The following MADD variants were observed in gnomAD, a reference collection of about 807,000 sequenced individuals.
The protein encoded by MADD is MAP kinase activating death domain.
Under a neutral mutation model 176.7 loss-of-function variants are expected in MADD, and 109 were observed. The observed-to-expected ratio is 0.62, with a 90% CI of 0.53 to 0.72. The LOEUF is 0.72. Among genes scored for constraint, MADD ranks in the 30% least tolerant of loss-of-function variants. The probability of loss-of-function intolerance (pLI) is 0.00; values close to 1 mark genes in which losing one functional copy is unlikely to be tolerated. For synonymous variants in MADD, 771 were observed against 771.3 expected, an observed-to-expected ratio of 1.00 and a Z score of 0.01; for missense variants, 1,914 against 2,045.5, an observed-to-expected ratio of 0.94 and a Z score of 1.24.
At chr11:47,323,946 T>G in intron 28 of MADD, 111 bp downstream of exon 31, 2 of 1,219,672 alleles carry the variant, frequency 1.6e-6, no homozygotes, top group Non-Finnish European at 2.3e-6. Context: ...CACACTTCTG[T>G]CTCCAGCTGT....
At chr11:47,308,789 T>G in intron 23 of MADD, 90 bp downstream of exon 25, 1 of 1,166,362 alleles carries the variant, frequency 8.6e-7, no homozygotes, top group Non-Finnish European at 1.3e-6. Flanking sequence ...CTGGTTGTCT[T>G]TCTGCTGATC....
In MADD at chr11:47,314,404, T is replaced by C. The variant is rs76331509; in HGVS notation, c.4090-816T>C. Among the ~76,000 whole-genome samples, 1,224 of 152,254 alleles carry C rather than the reference T, an allele frequency of 8.0e-3. 13 individuals are homozygous for C. Among genetic ancestry groups the C allele is most frequent in the African/African-American group, 0.028 (1,176 of 41,522 alleles). On this transcript the variant is annotated intron_variant, in intron 26 of 32. Coordinates refer to ENST00000402192, the Ensembl canonical transcript of MADD. ...TGGATTTTAATGTAACAATGTAAAA[T>C]GTTCATTGATGTGCTTTCAGATTCC...
At chr11:47,310,216 C>G (rs985179663) in intron 25 of MADD, among the ~76,000 whole-genome samples, 1 of 151,386 alleles carries the variant, frequency 6.6e-6, no homozygotes, top group African/African-American at 2.4e-5. Context: ...GAGTCACACT[C>G]TGTCACCCAG....
intron 30 of MADD, 42 bp from the exon 35 acceptor site, chr11:47,326,696 G>GA: frequency 6.2e-7 from 1 of 1,604,092 alleles, no homozygotes; most frequent in Non-Finnish European, 8.5e-7. Context: ...GGCAGGGGTG[G>GA]AGCCTGTGGG....
At chr11:47,321,576 G>A (rs750163506) in intron 27 of MADD, among the ~76,000 whole-genome samples, 8 of 152,162 alleles carry the variant, frequency 5.3e-5, no homozygotes, top group African/African-American at 1.7e-4. Flanking sequence ...AATATGGTGA[G>A]CATTATGAAA....
exon 15 of MADD, chr11:47,286,489 A>C (rs1369242351): frequency 1.2e-6 from 2 of 1,614,016 alleles, no homozygotes; most frequent in African/African-American, 2.7e-5. Context: ...CACACTGCCC[A>C]CCAAAGGTGC....
At chr11:47,297,610 C>T (rs767050468) in intron 22 of MADD, among the ~76,000 whole-genome samples, 5 of 151,358 alleles carry the variant, frequency 3.3e-5, no homozygotes, top group Non-Finnish European at 5.9e-5. Flanking sequence ...CCACGCCCAG[C>T]TAATTTTTTG....
At chr11:47,282,648 C>G in intron 9 of MADD, 32 bp downstream of exon 9, 1 of 1,607,220 alleles carries the variant, frequency 6.2e-7, no homozygotes. Flanking sequence ...TCCGCTCTGC[C>G]TTGTGCCTCT....
exon 3 of MADD, chr11:47,275,045 A>G (rs2136323342): frequency 1.2e-6 from 2 of 1,614,274 alleles, no homozygotes; most frequent in Non-Finnish European, 1.7e-6. Context: ...GTGCTCAGCC[A>G]CTACCCTTTC....
intron 28 of MADD, 29 bp from the exon 32 acceptor site, chr11:47,324,236 G>A: frequency 1.2e-6 from 2 of 1,610,010 alleles, no homozygotes. Context: ...CAGCCCTCAT[G>A]ATGGGACCAC....
intron 15 of MADD, among the ~76,000 whole-genome samples, chr11:47,286,897 C>T (rs1444344470): frequency 6.6e-6 from 1 of 152,140 alleles, no homozygotes; most frequent in Non-Finnish European, 1.5e-5. Context: ...AGCTGGCCCA[C>T]CAGAGAATGG....
chr11:47,280,084 A>T (rs2054972759), intron 7 of MADD, among the ~76,000 whole-genome samples: 1 of 152,098 alleles, frequency 6.6e-6, no homozygotes, highest in South Asian at 2.1e-4. Context: ...AAACAAAAAA[A>T]TTCCTTTCTT....
intron 22 of MADD, among the ~76,000 whole-genome samples, chr11:47,306,765 A>G (rs1364125805): frequency 6.6e-6 from 1 of 152,088 alleles, no homozygotes; most frequent in Non-Finnish European, 1.5e-5. Flanking sequence ...ATTTTTGTTA[A>G]AAGTATAGCT....
At chr11:47,294,808 A>G (rs547209564) in intron 20 of MADD, among the ~76,000 whole-genome samples, 1 of 152,178 alleles carries the variant, frequency 6.6e-6, no homozygotes, top group Non-Finnish European at 1.5e-5. Flanking sequence ...TCAAAAATTT[A>G]GTGACATGGG....
chr11:47,289,308 G>A (rs2063303837), intron 15 of MADD, 83 bp from the exon 17 acceptor site: 4 of 1,178,952 alleles, frequency 3.4e-6, no homozygotes, highest in Non-Finnish European at 5.1e-6. Flanking sequence ...AACGGGCATG[G>A]AACATGGCTA....
Position 47,324,533 on chromosome 11 carries a change from C to T in MADD, c.4498C>T (p.Gln1500Ter). 1 of 1,614,066 alleles carries T rather than the reference C, an allele frequency of 6.2e-7. No individual in the cohort carries two copies. ...GAAGACTGGTGAGGGTGGCCTGCTG[C>T]AGGTGACCCTGGAAGGGATCAACCT... Residue 1500 changes from glutamine to a stop codon, truncating the protein, a stop_gained, in exon 30 of 33, where the codon CAG (glutamine) becomes TAG (stop). Transcript: ENST00000402192. LOFTEE classifies it high-confidence loss of function.
chr11:47,306,197 A>G (rs2082470851), intron 22 of MADD, among the ~76,000 whole-genome samples: 1 of 152,154 alleles, frequency 6.6e-6, no homozygotes, highest in Non-Finnish European at 1.5e-5. Context: ...GGGGAGGGGT[A>G]GGTGGAGTGG....
intron 1 of MADD, among the ~76,000 whole-genome samples, chr11:47,273,140 A>C (rs931919886): frequency 6.6e-6 from 1 of 152,226 alleles, no homozygotes; most frequent in Non-Finnish European, 1.5e-5. Flanking sequence ...CTAGAAGTGC[A>C]GGTTAGTGCT....
At chr11:47,292,623 C>G (rs546250344) in intron 19 of MADD, 27 bp downstream of exon 21, 4 of 1,612,436 alleles carry the variant, frequency 2.5e-6, no homozygotes, top group Non-Finnish European at 3.4e-6. Flanking sequence ...CTTTCCTGTT[C>G]CCAAGTCCTC....
Sources: gnomAD v4.1 joint callset for allele counts (sites outside exome capture counted in the v4.1 genomes callset) on GRCh38, gnomAD v4.1.1 for gene constraint, MANE v1.5 for transcripts, NCBI Gene and HGNC (gene_info 2026-07-23, HGNC 2026-07-21) for gene names.